ELF1: variants seen among roughly 807,000 people sequenced by gnomAD.
The protein encoded by ELF1 is ETS-related transcription factor Elf-1.
In ELF1, 24 loss-of-function variants were observed where a neutral mutation model predicts 59.9. The ratio of observed to expected loss-of-function variants is 0.40; its 90% CI spans 0.29 to 0.56. ELF1 has a LOEUF of 0.56. Ranked by LOEUF, ELF1 falls within the 20% of genes least tolerant of loss-of-function variation. The pLI, the probability that ELF1 is intolerant of heterozygous loss-of-function variation, is 0.44. For missense variants in ELF1, 627 were observed against 742.2 expected (o/e 0.84, Z 1.80); for synonymous variants, 248 against 266.2 (o/e 0.93, Z 0.67).
At chr13:41,058,801 T>C (rs1475233830) in intron 1 of ELF1, among the ~76,000 whole-genome samples, 2 of 152,114 alleles carry the variant, frequency 1.3e-5, no homozygotes, top group African/African-American at 2.4e-5. Context: ...GGTGAAACAT[T>C]GTCTTTACTC....
rs144242194 is a variant in ELF1 at position 40,996,702 on chromosome 13, G to T, written c.-228-14420C>A. On this transcript the variant is annotated intron_variant, in intron 1 of 8. Transcript: ENST00000239882. ...ATAACGGGGAGGCTATGCATGTGCA[G>T]GGGCAGGAGGTATATGGGAAATCTG... 4.6e-3 allele frequency among the ~76,000 whole-genome samples: 707 copies of T among 152,306 alleles called. 8 individuals are homozygous for T. Among genetic ancestry groups the T allele is most frequent in the African/African-American group, 0.016 (666 of 41,556 alleles).
upstream of ELF1, among the ~76,000 whole-genome samples, chr13:41,021,883 CA>C (rs1052959610): frequency 1.3e-5 from 2 of 152,108 alleles, no homozygotes; most frequent in Admixed American, 1.3e-4. Flanking sequence ...ACCACCACAA[CA>C]AAACAAAACA....
At chr13:40,937,041 T>C (rs1423679811) in intron 8 of ELF1, among the ~76,000 whole-genome samples, 2 of 152,202 alleles carry the variant, frequency 1.3e-5, no homozygotes, top group Non-Finnish European at 2.9e-5. Context: ...TGCAAATATA[T>C]TGGCTTATTG....
At chr13:41,019,779 T>C (rs1209120604), upstream of ELF1, among the ~76,000 whole-genome samples, 1 of 152,150 alleles carries the variant, frequency 6.6e-6, no homozygotes, top group Admixed American at 6.6e-5. Context: ...TATATTGCTA[T>C]GTAGTCTGGA....
intron 1 of ELF1, among the ~76,000 whole-genome samples, chr13:41,006,123 C>G (rs11617732): frequency 0.31 from 47,240 of 151,984 alleles, 8,943 homozygotes; most frequent in Middle Eastern, 0.47. Flanking sequence ...TGGTAGTAGG[C>G]TCCTGAAGTA....
chr13:40,997,876 C>A (rs188349367), intron 1 of ELF1, among the ~76,000 whole-genome samples: 2 of 152,074 alleles, frequency 1.3e-5, no homozygotes, highest in East Asian at 3.9e-4. Flanking sequence ...GCAGGCCAGG[C>A]GCAGTGGCTC....
At chr13:41,042,663 A>T (rs1191234542) in intron 1 of ELF1, among the ~76,000 whole-genome samples, 1 of 152,174 alleles carries the variant, frequency 6.6e-6, no homozygotes, top group African/African-American at 2.4e-5. Context: ...GCTGCATAGT[A>T]TTCCATGGTG....
In ELF1 at chr13:40,960,684, C is replaced by T. The variant is rs992203565; in HGVS notation, c.73-1668G>A. ...AACTCCTGGGTTCAAGTGATCCTCC[C>T]GCATCTGCCTCCCAAATAGCTGGGA... is the stretch of plus-strand genomic sequence containing the variant. On this transcript the variant is annotated intron_variant, in intron 2 of 8. Transcript: ENST00000239882. 6.6e-5 allele frequency among the ~76,000 whole-genome samples: 10 copies of T among 152,142 alleles called. No individual in the cohort carries two copies. The South Asian group carries it at 1.5e-3, about 22-fold the overall frequency.
chr13:41,024,546 T>C (rs1395891793), intron 1 of ELF1, among the ~76,000 whole-genome samples: 1 of 152,182 alleles, frequency 6.6e-6, no homozygotes, highest in African/African-American at 2.4e-5. Flanking sequence ...TGGCTAATTT[T>C]TGTATTTTTT....
In ELF1 at chr13:40,941,123, C is replaced by G. The variant is rs1184654884; in HGVS notation, c.1054G>C (p.Ala352Pro). Residue 352 changes from alanine to proline, a missense_variant, in exon 8 of 9, where the codon GCT (alanine) becomes CCT (proline). Physicochemically the swap from Ala to Pro is conservative, Grantham distance 27. Around this residue, in one of 3 missense-constraint regions of ELF1, gnomAD observed 361 missense variants for 396.1 expected, o/e 0.91. Coordinates refer to ENST00000239882, the MANE Select transcript of ELF1 (RefSeq NM_172373.4). ...TTVLKPGNSK[A>P]AKPKDPVEVA... ...TCCACAGGATCTTTGGGTTTTGCAG[C>G]TTTAGAATTCCCTGGTTTTAGAACT... 1.2e-6 allele frequency: 2 copies of G among 1,614,048 alleles called. No individual in the cohort carries two copies. The highest frequency in any genetic ancestry group is 2.7e-5 in the African/African-American group (2 of 74,904).
At chr13:40,994,764 G>A (rs1874046265) in intron 1 of ELF1, among the ~76,000 whole-genome samples, 1 of 152,196 alleles carries the variant, frequency 6.6e-6, no homozygotes, top group Non-Finnish European at 1.5e-5. Context: ...TGTTCAGGCA[G>A]TTAAAAAAAT....
At chr13:41,012,709 A>C (rs1295599869) in intron 1 of ELF1, among the ~76,000 whole-genome samples, 1 of 151,682 alleles carries the variant, frequency 6.6e-6, no homozygotes, top group Non-Finnish European at 1.5e-5. Flanking sequence ...ACACCTGGCT[A>C]ACTTAAAAAA....
In ELF1 at chr13:40,940,964, T is replaced by C; in HGVS notation, c.1213A>G (p.Thr405Ala). 6.2e-7 allele frequency: 1 copy of C among 1,614,206 alleles called. No homozygotes were observed. Among genetic ancestry groups the C allele is most frequent in the Non-Finnish European group, 8.5e-7 (1 of 1,180,038 alleles). Residue 405 changes from threonine to alanine, a missense_variant, in exon 8 of 9, where the codon ACC becomes GCC. Physicochemically the swap from Thr to Ala is moderately conservative, Grantham distance 58 (BLOSUM62 0). Transcript: ENST00000239882. ...GAATTTAATGTTTCATCCTGCATGG[T>C]ACTGGTTCTAGCTGCTTCTCCCTCT... is the stretch of plus-strand genomic sequence containing the variant. ...VPEGEAARTS[T>A]MQDETLNSSV...
At chr13:41,051,547 A>AACAC (rs545249919) in intron 1 of ELF1, among the ~76,000 whole-genome samples, 2 of 151,818 alleles carry the variant, frequency 1.3e-5, no homozygotes, top group East Asian at 1.9e-4. Flanking sequence ...GAAAATGAAA[A>AACAC]ACACACACAC....
chr13:40,975,537 A>C (rs1872854061), intron 2 of ELF1, among the ~76,000 whole-genome samples: 1 of 152,214 alleles, frequency 6.6e-6, no homozygotes, highest in Non-Finnish European at 1.5e-5. Flanking sequence ...AAGTTATTTG[A>C]AGTGTTTTCC....
intron 1 of ELF1, among the ~76,000 whole-genome samples, chr13:41,055,542 T>C (rs1024880102): frequency 1.3e-5 from 2 of 151,974 alleles, no homozygotes; most frequent in Non-Finnish European, 2.9e-5. Context: ...TAGTCCCCTC[T>C]GAGCATTTAT....
chr13:40,971,365 T>G (rs887742062), intron 2 of ELF1, among the ~76,000 whole-genome samples: 2 of 152,068 alleles, frequency 1.3e-5, no homozygotes, highest in East Asian at 3.8e-4. Flanking sequence ...TCAAGTGATC[T>G]TCCCAACTCA....
chr13:41,042,741 C>T (rs1442938250), intron 1 of ELF1, among the ~76,000 whole-genome samples: 2 of 152,142 alleles, frequency 1.3e-5, no homozygotes, highest in Admixed American at 1.3e-4. Context: ...CAAGTCTTTG[C>T]TATTGTGAAT....
At chr13:40,944,731 C>T (rs1313931049) in intron 5 of ELF1, among the ~76,000 whole-genome samples, 2 of 152,174 alleles carry the variant, frequency 1.3e-5, no homozygotes, top group Admixed American at 1.3e-4. Context: ...AACATACTAC[C>T]ATTCTATATG....
Sources: allele counts gnomAD v4.1 joint callset (sites outside exome capture counted in the v4.1 genomes callset), GRCh38; gene constraint gnomAD v4.1.1; regional missense constraint gnomAD v4.1.1; transcripts MANE v1.5; gene names NCBI Gene and HGNC (gene_info 2026-07-23, HGNC 2026-07-21).